The following CSRNP3 variants were observed in gnomAD, a reference collection of about 807,000 sequenced individuals.
CSRNP3 encodes the protein cysteine and serine rich nuclear protein 3.
In CSRNP3, 12 loss-of-function variants were observed where a neutral mutation model predicts 48.0. That is an observed-to-expected ratio of 0.25 (90% CI 0.16 to 0.41). The LOEUF (loss-of-function observed/expected upper bound fraction) is 0.41, where lower values mean the gene tolerates loss of function less well. Ranked by LOEUF, CSRNP3 falls within the 10% of genes least tolerant of loss-of-function variation. The pLI is 1.00. For synonymous variants in CSRNP3, 263 were observed against 269.7 expected (o/e 0.98, Z 0.24); for missense variants, 580 against 724.4 (o/e 0.80, Z 2.29).
intron 3 of CSRNP3, among the ~76,000 whole-genome samples, chr2:165,543,718 A>G (rs1401109357): frequency 1.3e-5 from 2 of 152,120 alleles, no homozygotes; most frequent in East Asian, 3.9e-4. Context: ...GGTACATGAG[A>G]TGTCTCAATA....
chr2:165,477,853 T>A (rs1023566442), intron 1 of CSRNP3, among the ~76,000 whole-genome samples: 3 of 152,020 alleles, frequency 2.0e-5, no homozygotes, highest in Non-Finnish European at 4.4e-5. Flanking sequence ...GGTGAGTGCC[T>A]TCAGTCCCAG....
chr2:165,522,008 A>G (rs549656891), intron 3 of CSRNP3, among the ~76,000 whole-genome samples: 1 of 152,210 alleles, frequency 6.6e-6, no homozygotes, highest in Non-Finnish European at 1.5e-5. Context: ...CAGCTCAACA[A>G]GGCCAGGCAT....
chr2:165,594,962 A>G, intron 3 of CSRNP3, 81 bp from the exon 4 acceptor site: 1 of 1,301,488 alleles, frequency 7.7e-7, no homozygotes. Context: ...AAAAAGCCAC[A>G]TAAAAATGAC....
chr2:165,603,118 A>C (rs550006555), intron 4 of CSRNP3, among the ~76,000 whole-genome samples: 1 of 151,636 alleles, frequency 6.6e-6, no homozygotes, highest in South Asian at 2.1e-4. Flanking sequence ...GATGGTCTTG[A>C]TCTCCTGACC....
chr2:165,533,808 C>A (rs189274183), intron 3 of CSRNP3, among the ~76,000 whole-genome samples: 30 of 151,884 alleles, frequency 2.0e-4, no homozygotes, highest in African/African-American at 6.8e-4. Flanking sequence ...ATTACTGATA[C>A]GGGACTAGTA....
chr2:165,484,013 T>C (rs957629345), intron 1 of CSRNP3, among the ~76,000 whole-genome samples: 1 of 152,254 alleles, frequency 6.6e-6, no homozygotes. Flanking sequence ...ATCTTAGGAA[T>C]GCTAGTAAGA....
At chr2:165,614,011 G>A (rs1311016651) in intron 4 of CSRNP3, among the ~76,000 whole-genome samples, 2 of 150,636 alleles carry the variant, frequency 1.3e-5, no homozygotes, top group Non-Finnish European at 3.0e-5. Flanking sequence ...TTAACAATAT[G>A]AATTCTTCCA....
At chr2:165,501,676 A>G (rs1684360849) in intron 2 of CSRNP3, among the ~76,000 whole-genome samples, 1 of 152,088 alleles carries the variant, frequency 6.6e-6, no homozygotes, top group African/African-American at 2.4e-5. Flanking sequence ...TTTGATTGGT[A>G]TGTTCATGAC....
chr2:165,524,597 C>T (rs935434038), intron 3 of CSRNP3, among the ~76,000 whole-genome samples: 2 of 152,098 alleles, frequency 1.3e-5, no homozygotes, highest in African/African-American at 2.4e-5. Context: ...CTGACCTTCC[C>T]CCTGTCAACT....
At chr2:165,669,205 G>A (rs909237483) in intron 5 of CSRNP3, among the ~76,000 whole-genome samples, 3 of 152,124 alleles carry the variant, frequency 2.0e-5, no homozygotes, top group South Asian at 2.1e-4. Context: ...TTTTTCACAC[G>A]TGTGAATAAT....
At chr2:165,594,653 A>G (rs1685779273) in intron 3 of CSRNP3, among the ~76,000 whole-genome samples, 1 of 152,204 alleles carries the variant, frequency 6.6e-6, no homozygotes, top group Non-Finnish European at 1.5e-5. Flanking sequence ...AAGGTCGTGC[A>G]TACTTTTTTG....
Position 165,668,241 on chromosome 2 carries a change from A to G in CSRNP3, c.409-8071A>G, listed in dbSNP as rs1055004647. Among the ~76,000 whole-genome samples the G allele has an allele frequency of 2.6e-5, 4 of 152,082 alleles. No individual in the cohort carries two copies. In the South Asian group the frequency reaches 8.3e-4, roughly 32 times the overall value. On this transcript the variant is annotated intron_variant, in intron 5 of 6. Transcript: ENST00000651982. The stretch of plus-strand genomic sequence containing the variant: ...ACGTTAGCTCAACCAGCTTTATCTG[A>G]TGTCCTCTCCATTAGAAAGGCCACC...
At chr2:165,497,754 T>C (rs1268069741) in intron 2 of CSRNP3, among the ~76,000 whole-genome samples, 5 of 152,064 alleles carry the variant, frequency 3.3e-5, no homozygotes, top group Admixed American at 3.3e-4. Context: ...AGAATCAAAA[T>C]GTGAGCTGGT....
At chr2:165,609,465 G>C (rs201205843) in intron 4 of CSRNP3, among the ~76,000 whole-genome samples, 1 of 97,570 alleles carries the variant, frequency 1.0e-5, no homozygotes. Flanking sequence ...TCTAAAAAAA[G>C]AAAAAAAAAA....
At chr2:165,510,564 T>C (rs1684488219) in intron 2 of CSRNP3, among the ~76,000 whole-genome samples, 1 of 152,184 alleles carries the variant, frequency 6.6e-6, no homozygotes, top group South Asian at 2.1e-4. Context: ...TTGTATTTCC[T>C]CTTTCCTGGT....
intron 2 of CSRNP3, among the ~76,000 whole-genome samples, chr2:165,497,329 T>C (rs367622032): frequency 1.3e-5 from 2 of 152,038 alleles, no homozygotes; most frequent in African/African-American, 4.8e-5. Flanking sequence ...AAGGAAACAT[T>C]TGTTGATACT....
intron 4 of CSRNP3, among the ~76,000 whole-genome samples, chr2:165,629,914 C>G (rs1385166319): frequency 6.6e-6 from 1 of 152,198 alleles, no homozygotes; most frequent in African/African-American, 2.4e-5. Flanking sequence ...CTGCATTCAG[C>G]AAGCCATTCC....
intron 3 of CSRNP3, among the ~76,000 whole-genome samples, chr2:165,565,769 T>A (rs1348766832): frequency 6.6e-6 from 1 of 152,010 alleles, no homozygotes; most frequent in Non-Finnish European, 1.5e-5. Context: ...TTTATTCATG[T>A]TGTATGATTA....
At chr2:165,657,247 G>A (rs898802783) in intron 4 of CSRNP3, among the ~76,000 whole-genome samples, 5 of 152,092 alleles carry the variant, frequency 3.3e-5, no homozygotes, top group African/African-American at 7.2e-5. Flanking sequence ...ACCTAATAAT[G>A]GCCCCAAAGC....
Sources: allele counts gnomAD v4.1 joint callset (sites outside exome capture counted in the v4.1 genomes callset), GRCh38; gene constraint gnomAD v4.1.1; transcripts MANE v1.5; gene names NCBI Gene and HGNC (gene_info 2026-07-23, HGNC 2026-07-21).